Variants in NUP153 observed in about 807,000 individuals in gnomAD.
NUP153 encodes nucleoporin 153, also known as nuclear pore complex protein Nup153.
Under a neutral mutation model 134.6 loss-of-function variants are expected in NUP153, and 27 were observed. That is an observed-to-expected ratio of 0.20 (90% CI 0.15 to 0.28). NUP153 has a LOEUF of 0.28. Among genes scored for constraint, NUP153 ranks in the 10% least tolerant of loss-of-function variants. The probability of loss-of-function intolerance (pLI) is 1.00; values close to 1 mark genes in which losing one functional copy is unlikely to be tolerated. For missense variants in NUP153, 1,821 were observed against 1,731.3 expected (o/e 1.05, Z -0.92); for synonymous variants, 640 against 623.5 (o/e 1.03, Z -0.40).
rs567766706 is a variant in NUP153 at position 17,626,007 on chromosome 6, A to G, written c.3702T>C (p.Pro1234=). The G allele has an allele frequency of 5.8e-5, 93 of 1,614,214 alleles. 1 individual carries two copies. The South Asian group carries it at 9.4e-4, about 16-fold the overall frequency. The part of the protein sequence containing the change: ...ATFVFGQSSN[P]VSSSAFGNTA... ...TGTTACCAAAGGCAGAGCTGCTCACAGGATTGCTGGACTGTCCAAACACAA... is the reference window on the plus strand; with the variant it reads ...TGTTACCAAAGGCAGAGCTGCTCACGGGATTGCTGGACTGTCCAAACACAA... The change falls in exon 19 of 22, where the codon CCT becomes CCC. Residue 1234 remains proline, a synonymous_variant. Transcript: ENST00000262077.
At chr6:17,694,982 G>GA (rs11417761) in intron 1 of NUP153, among the ~76,000 whole-genome samples, 69,260 of 148,876 alleles carry the variant, frequency 0.47, 16,503 homozygotes, top group Middle Eastern at 0.73. Context: ...CTGTCTCAAG[G>GA]AAAAAAAAAA....
At chr6:17,679,836 T>G (rs1768470297) in intron 2 of NUP153, among the ~76,000 whole-genome samples, 2 of 152,178 alleles carry the variant, frequency 1.3e-5, no homozygotes, top group South Asian at 4.1e-4. Context: ...TTTTAAAGAA[T>G]TCCAGGAATT....
At chr6:17,679,476 G>C (rs10949436) in intron 2 of NUP153, among the ~76,000 whole-genome samples, 42,530 of 152,042 alleles carry the variant, frequency 0.28, 6,088 homozygotes, top group East Asian at 0.33. Context: ...TAACCTCTAT[G>C]TAAATCCCAA....
In NUP153 at chr6:17,706,575, T is replaced by G. The variant is rs1312788895; in HGVS notation, c.-188A>C. On this transcript the variant is annotated 5_prime_UTR_variant, in exon 1 of 22. Coordinates refer to ENST00000262077, the MANE Select transcript of NUP153 (RefSeq NM_005124.4). The surrounding 1 kb of genome is among the most constrained non-coding windows in gnomAD (Gnocchi z 5.9). ...GCAGGAGCGGAGAGAGGGTGAGTGC[T>G]GGCAGCGGGGAAGGGGGTGGCGGCC... is the stretch of plus-strand genomic sequence containing the variant. The G allele has an allele frequency of 1.7e-6, 1 of 582,652 alleles. No homozygotes were observed. The highest frequency in any genetic ancestry group is 3.0e-6 in the Non-Finnish European group (1 of 330,758). 36.1% of individuals were successfully genotyped at this position (582,652 alleles called of 1,614,324 possible).
Position 17,616,069 on chromosome 6 carries a change from A to G in NUP153, c.*28T>C. 1 of 1,526,340 alleles carries G rather than the reference A, an allele frequency of 6.6e-7. No homozygotes were observed. The highest frequency in any genetic ancestry group is 9.1e-7 in the Non-Finnish European group (1 of 1,100,256). 94.5% of individuals were successfully genotyped at this position (1,526,340 alleles called of 1,614,324 possible). A position where few individuals can be genotyped will look rare whatever the true frequency, so the allele number is the denominator to read the frequency against. Reference sequence around the variant, plus strand: ...TGAAAGCAGGGCACCAGCTGTTGTTAAAATTGAGTACAACACCAATGTGAC... The same window carrying G: ...TGAAAGCAGGGCACCAGCTGTTGTTGAAATTGAGTACAACACCAATGTGAC... On this transcript the variant is annotated 3_prime_UTR_variant, in exon 22 of 22. Coordinates refer to ENST00000262077, the MANE Select transcript of NUP153 (RefSeq NM_005124.4).
At chr6:17,632,894 T>C (rs758954965) in intron 16 of NUP153, 50 bp from the exon 17 acceptor site, 1 of 1,417,508 alleles carries the variant, frequency 7.1e-7, no homozygotes, top group South Asian at 1.4e-5. Context: ...CATGAAAATT[T>C]TAATTTACAG....
In NUP153 at chr6:17,701,574, C is replaced by G. The variant is rs184401811; in HGVS notation, c.111+4703G>C. On this transcript the variant is annotated intron_variant, in intron 1 of 21. Coordinates refer to ENST00000262077, the MANE Select transcript of NUP153 (RefSeq NM_005124.4). ...CTACTCGGGAGGCTGAGGCAGAGAA[C>G]TGCTTGAACCCAGGAGGCGGAGGTT... Among the ~76,000 whole-genome samples, 387 of 148,986 alleles carry G rather than the reference C, an allele frequency of 2.6e-3. 5 individuals carry two copies. Among genetic ancestry groups the G allele is most frequent in the African/African-American group, 8.8e-3 (357 of 40,408 alleles).
intron 1 of NUP153, among the ~76,000 whole-genome samples, chr6:17,697,936 T>C (rs901525949): frequency 6.6e-6 from 1 of 152,220 alleles, no homozygotes; most frequent in Non-Finnish European, 1.5e-5. Context: ...GTCATTCCTA[T>C]ATATCCTTCC....
In NUP153 at chr6:17,625,801, A is replaced by T. The variant is rs1229372869; in HGVS notation, c.3901+7T>A. ...ATTACAATGCATTTTTTCTTTTGTA[A>T]ATGTACCTGCAGAGCTAGATGTGGT... is the stretch of plus-strand genomic sequence containing the variant. On this transcript the variant is annotated splice_region_variant and intron_variant, in intron 19 of 21. Transcript: ENST00000262077. The surrounding 1 kb of genome is among the most constrained non-coding windows in gnomAD (Gnocchi z 4.7). 4 of 1,596,960 alleles carry T rather than the reference A, an allele frequency of 2.5e-6. No homozygotes were observed. Among genetic ancestry groups the T allele is most frequent in the Admixed American group, 1.7e-5 (1 of 58,566 alleles).
intron 20 of NUP153, among the ~76,000 whole-genome samples, chr6:17,623,450 A>T (rs774973560): frequency 6.6e-6 from 1 of 152,012 alleles, no homozygotes; most frequent in Non-Finnish European, 1.5e-5. Context: ...TGGTGGTAGG[A>T]TATGAATTGG....
In NUP153 at chr6:17,706,430, G is replaced by A. The variant is rs559869302; in HGVS notation, c.-43C>T. 3.3e-6 allele frequency: 5 copies of A among 1,519,666 alleles called. No individual in the cohort carries two copies. In the African/African-American group the frequency reaches 6.8e-5, roughly 21 times the overall value. 94.1% of individuals were successfully genotyped at this position (1,519,666 alleles called of 1,614,324 possible). ...TTCCCGCTCCGGGGCGGGTAAGGGG[G>A]CGGGAGAGGCAGAGGCGGAGGCCTT... On this transcript the variant is annotated 5_prime_UTR_variant, in exon 1 of 22. Transcript: ENST00000262077. This position sits in a 1 kb window ranked among gnomAD's most constrained non-coding sequence, Gnocchi z 5.9.
chr6:17,616,597 C>T lies in NUP153; in HGVS notation c.4273G>A (p.Ala1425Thr). 1 of 1,614,162 alleles carries T rather than the reference C, an allele frequency of 6.2e-7. No individual in the cohort carries two copies. Among genetic ancestry groups the T allele is most frequent in the Non-Finnish European group, 8.5e-7 (1 of 1,180,006 alleles). The change falls in exon 21 of 22, where the codon GCA (alanine) becomes ACA (threonine). Residue 1425 changes from alanine to threonine, a missense_variant. Physicochemically the swap from Ala to Thr is moderately conservative, Grantham distance 58 (BLOSUM62 0). Transcript: ENST00000262077. ...GAGCCTGAAGGCTGGGCTGAGGCTG[C>T]AGGTGTGCTAGAATTTGCACCAAAT... ...FTFGANSSTPAASAQPSGSGG... is the reference protein window; with the variant it reads ...FTFGANSSTPTASAQPSGSGG...
Position 17,675,073 on chromosome 6 carries a change from C to A in NUP153, c.724-40G>T. On this transcript the variant is annotated intron_variant, in intron 4 of 21. Transcript: ENST00000262077. The surrounding 1 kb of genome is among the most constrained non-coding windows in gnomAD (Gnocchi z 4.4). ...AATGATAAATTATAAGCCATATGAA[C>A]CCAGGAGGTGGAGGTTGCAGTGAGT... 1 of 1,608,084 alleles carries A rather than the reference C, an allele frequency of 6.2e-7. No individual in the cohort carries two copies. The highest frequency in any genetic ancestry group is 1.1e-5 in the South Asian group (1 of 90,442).
At chr6:17,705,098 TAAC>T (rs1331203700) in intron 1 of NUP153, among the ~76,000 whole-genome samples, 11 of 152,352 alleles carry the variant, frequency 7.2e-5, no homozygotes, top group African/African-American at 2.6e-4. Context: ...TGACACAATT[TAAC>T]AACATCAACC....
chr6:17,706,379 C>G lies in NUP153; in HGVS notation c.9G>C (p.Ser3=), dbSNP rs144916497. The change falls in exon 1 of 22, where the codon TCG becomes TCC. Residue 3 remains serine, a synonymous_variant. Transcript: ENST00000262077. The surrounding 1 kb of genome is among the most constrained non-coding windows in gnomAD (Gnocchi z 5.9). ...CGCCCCCTCCGACTCCTCCGGCTCC[C>G]GAGGCCATGGCGGAGCCTCCGCCGC... MA[S]GAGGVGGGGG... The G allele has an allele frequency of 1.1e-4, 182 of 1,611,660 alleles. 1 individual carries two copies. In the Middle Eastern group the frequency reaches 5.0e-3, roughly 44 times the overall value.
At chr6:17,698,908 A>G (rs957803626) in intron 1 of NUP153, among the ~76,000 whole-genome samples, 3 of 151,940 alleles carry the variant, frequency 2.0e-5, no homozygotes, top group African/African-American at 7.2e-5. Context: ...AGCTCACAGT[A>G]GTTAAACTCA....
chr6:17,670,333 A>T (rs1561891682), intron 5 of NUP153, among the ~76,000 whole-genome samples: 1 of 152,218 alleles, frequency 6.6e-6, no homozygotes, highest in Non-Finnish European at 1.5e-5. Flanking sequence ...TTTCATAGTC[A>T]CTGCTGCCAA....
At chr6:17,698,715 G>C (rs1260073679) in intron 1 of NUP153, among the ~76,000 whole-genome samples, 1 of 148,770 alleles carries the variant, frequency 6.7e-6, no homozygotes, top group Non-Finnish European at 1.5e-5. Context: ...TCCAGCTTGG[G>C]CGACAGAGCA....
Position 17,637,398 on chromosome 6 carries a change from A to G in NUP153, c.2219T>C (p.Ile740Thr). 6.2e-7 allele frequency: 1 copy of G among 1,614,170 alleles called. No homozygotes were observed. Among genetic ancestry groups the G allele is most frequent in the Non-Finnish European group, 8.5e-7 (1 of 1,180,024 alleles). Residue 740 changes from isoleucine to threonine, a missense_variant, in exon 16 of 22, where the codon ATA (isoleucine) becomes ACA (threonine). Transcript: ENST00000262077. ...TCLVQNKPEA[I>T]KCVACETPKP... ...CGGTGTTTCACAGGCTACACATTTT[A>G]TTGCTTCAGGTTTATTTTGCACTAA...
Sources: gnomAD v4.1 joint callset for allele counts (sites outside exome capture counted in the v4.1 genomes callset) on GRCh38, gnomAD v4.1.1 for gene constraint, Gnocchi (gnomAD v3.1) non-coding constraint, MANE v1.5 for transcripts, NCBI Gene and HGNC (gene_info 2026-07-23, HGNC 2026-07-21) for gene names.